NOL4: variants seen among roughly 807,000 people sequenced by gnomAD.
The protein encoded by NOL4 is nucleolar protein 4, also known as cancer/testis antigen 125.
In NOL4, 17 loss-of-function variants were observed where a neutral mutation model predicts 75.9. The observed-to-expected ratio is 0.22, with a 90% CI of 0.15 to 0.34. The LOEUF (loss-of-function observed/expected upper bound fraction) is 0.34. NOL4 is among the 10% of genes least tolerant of loss of function. The pLI is 1.00. For synonymous variants in NOL4, 292 were observed against 289.9 expected (o/e 1.01, Z -0.07); for missense variants, 614 against 793.5 (o/e 0.77, Z 2.72).
At chr18:33,946,914 C>T (rs1377565272) in intron 8 of NOL4, among the ~76,000 whole-genome samples, 5 of 151,610 alleles carry the variant, frequency 3.3e-5, no homozygotes, top group East Asian at 1.9e-4. Flanking sequence ...TAATTTCATG[C>T]CCAAAATGAG....
intron 1 of NOL4, among the ~76,000 whole-genome samples, chr18:34,201,711 G>C (rs559646501): frequency 1.3e-5 from 2 of 151,778 alleles, no homozygotes; most frequent in Admixed American, 1.3e-4. Context: ...TCACATGATA[G>C]TTCTCAGTTC....
intron 5 of NOL4, among the ~76,000 whole-genome samples, chr18:34,063,142 A>C (rs2077134632): frequency 6.6e-6 from 1 of 152,012 alleles, no homozygotes; most frequent in African/African-American, 2.4e-5. Context: ...GAAAAACTGA[A>C]CCCAAATGAA....
At chr18:34,071,102 G>A (rs535948491) in intron 5 of NOL4, among the ~76,000 whole-genome samples, 15 of 152,166 alleles carry the variant, frequency 9.9e-5, no homozygotes, top group Middle Eastern at 6.8e-3. Context: ...GATTCTGAGT[G>A]TTCTCACCAC....
intron 1 of NOL4, among the ~76,000 whole-genome samples, chr18:34,180,521 A>T (rs1314229808): frequency 6.6e-6 from 1 of 151,632 alleles, no homozygotes; most frequent in Non-Finnish European, 1.5e-5. Context: ...CCAACAAGTA[A>T]CATTAAGCAT....
At chr18:33,859,281 T>C (rs549205904) in intron 10 of NOL4, among the ~76,000 whole-genome samples, 36 of 152,298 alleles carry the variant, frequency 2.4e-4, no homozygotes, top group African/African-American at 7.9e-4. Flanking sequence ...TTGATAATTA[T>C]AAATAGTTAT....
chr18:33,889,161 G>T (rs1017599630), intron 9 of NOL4, among the ~76,000 whole-genome samples: 3 of 151,870 alleles, frequency 2.0e-5, no homozygotes, highest in African/African-American at 7.3e-5. Context: ...GAATCAAATA[G>T]ATGCAACAGA....
In NOL4 at chr18:33,852,405, G is replaced by T. The variant is rs1599623216; in HGVS notation, c.*437C>A. 1 of 147,842 alleles carries T rather than the reference G, an allele frequency of 6.8e-6. No homozygotes were observed. The allele number at this position is 147,842 out of a possible 1,614,324, so 9.2% of individuals were successfully genotyped here. On this transcript the variant is annotated 3_prime_UTR_variant, in exon 11 of 11. Coordinates refer to ENST00000261592, the MANE Select transcript of NOL4 (RefSeq NM_003787.5). The stretch of plus-strand genomic sequence containing the variant: ...ATCCTTTTCATTGTTGTTATATCCT[G>T]TAGCAACAAGAAATTTGGCTTTTTT...
chr18:34,106,371 C>A (rs548641736), intron 2 of NOL4, among the ~76,000 whole-genome samples: 1 of 152,002 alleles, frequency 6.6e-6, no homozygotes, highest in East Asian at 1.9e-4. Flanking sequence ...TCAGTTTATA[C>A]CACATAGCCT....
intron 5 of NOL4, among the ~76,000 whole-genome samples, chr18:34,041,305 A>T (rs2076128810): frequency 6.6e-6 from 1 of 151,860 alleles, no homozygotes; most frequent in Non-Finnish European, 1.5e-5. Context: ...CAATGCCTTG[A>T]GCAATTGTAA....
At chr18:34,135,570 G>A (rs538264619) in intron 1 of NOL4, among the ~76,000 whole-genome samples, 242 of 151,464 alleles carry the variant, frequency 1.6e-3, no homozygotes, top group Middle Eastern at 3.4e-3. Context: ...GGCGGTGGGC[G>A]CCTGTAGTGC....
chr18:34,160,267 T>C (rs541941103), intron 1 of NOL4, among the ~76,000 whole-genome samples: 1 of 152,306 alleles, frequency 6.6e-6, no homozygotes, highest in Non-Finnish European at 1.5e-5. Context: ...GGGCAGTTTT[T>C]CTAAAGTATA....
chr18:33,889,082 C>G (rs1313832182), intron 9 of NOL4, among the ~76,000 whole-genome samples: 2 of 151,934 alleles, frequency 1.3e-5, no homozygotes, highest in African/African-American at 2.4e-5. Context: ...AAACCAGCAG[C>G]TGGTTTTTTG....
chr18:33,942,288 T>C lies in NOL4; in HGVS notation c.1542+777A>G, dbSNP rs910227062. Among the ~76,000 whole-genome samples, 8 of 151,948 alleles carry C rather than the reference T, an allele frequency of 5.3e-5. No individual in the cohort carries two copies. The East Asian group carries it at 1.6e-3, about 29-fold the overall frequency. On this transcript the variant is annotated intron_variant, in intron 9 of 10. Coordinates refer to ENST00000261592, the MANE Select transcript of NOL4 (RefSeq NM_003787.5). ...CAAGTGAAAATGTGGCAAAGTTTTA[T>C]GCAGAATATTTAGTATATCATGTGA...
intron 9 of NOL4, among the ~76,000 whole-genome samples, chr18:33,919,764 A>G (rs1233944294): frequency 2.0e-5 from 3 of 152,194 alleles, no homozygotes; most frequent in Non-Finnish European, 4.4e-5. Context: ...CAGGGTATGC[A>G]TATGTGAATC....
At chr18:34,093,330 T>C in intron 5 of NOL4, 135 bp downstream of exon 5, 2 of 845,084 alleles carry the variant, frequency 2.4e-6, no homozygotes, top group Non-Finnish European at 3.6e-6. Context: ...CCTAAATACA[T>C]AGAGAAAAGT....
At chr18:34,163,162 T>A (rs2031787136) in intron 1 of NOL4, among the ~76,000 whole-genome samples, 1 of 152,160 alleles carries the variant, frequency 6.6e-6, no homozygotes, top group Non-Finnish European at 1.5e-5. Context: ...CTGGAAGCAT[T>A]CCCTTTGAAA....
At chr18:34,141,885 A>T in intron 1 of NOL4, among the ~76,000 whole-genome samples, 1 of 152,108 alleles carries the variant, frequency 6.6e-6, no homozygotes, top group Non-Finnish European at 1.5e-5. Context: ...CTACCATCAG[A>T]GTGTACAGGC....
intron 9 of NOL4, among the ~76,000 whole-genome samples, chr18:33,933,218 C>T (rs925440701): frequency 5.3e-5 from 8 of 152,100 alleles, no homozygotes; most frequent in Non-Finnish European, 7.4e-5. Context: ...AAAACCAATG[C>T]GCTTACCTTA....
At chr18:33,949,427 A>T (rs974944533) in intron 8 of NOL4, among the ~76,000 whole-genome samples, 3 of 152,090 alleles carry the variant, frequency 2.0e-5, no homozygotes, top group Non-Finnish European at 4.4e-5. Context: ...CTTTCCTGGG[A>T]ACTGAGACCT....
Sources: gnomAD v4.1 joint callset for allele counts (sites outside exome capture counted in the v4.1 genomes callset) on GRCh38, gnomAD v4.1.1 for gene constraint, MANE v1.5 for transcripts, NCBI Gene and HGNC (gene_info 2026-07-23, HGNC 2026-07-21) for gene names.